KMT2B: variants seen among roughly 807,000 people sequenced by gnomAD.
KMT2B encodes the protein lysine methyltransferase 2B, also known as histone-lysine N-methyltransferase 2B.
In KMT2B, 22 loss-of-function variants were observed where a neutral mutation model predicts 255.3. The ratio of observed to expected loss-of-function variants is 0.09; its 90% CI spans 0.06 to 0.12. The LOEUF (loss-of-function observed/expected upper bound fraction) is 0.12, where lower values mean the gene tolerates loss of function less well. KMT2B is among the 10% of genes least tolerant of loss of function. KMT2B has a pLI of 1.00. For synonymous variants in KMT2B, 1,730 were observed against 1,498.1 expected (o/e 1.15, Z -3.57); for missense variants, 3,149 against 3,737.0 (o/e 0.84, Z 4.10).
chr19:35,737,219 G>T lies in KMT2B; in HGVS notation c.7506G>T (p.Pro2502=). 6.3e-7 allele frequency: 1 copy of T among 1,578,768 alleles called. No homozygotes were observed. Among genetic ancestry groups the T allele is most frequent in the Non-Finnish European group, 8.6e-7 (1 of 1,162,744 alleles). Residue 2502 remains proline (P), a synonymous_variant, in exon 33 of 37, where the codon CCG becomes CCT. Coordinates refer to ENST00000420124, the MANE Select transcript of KMT2B (RefSeq NM_014727.3). The surrounding 1 kb of genome is among the most constrained non-coding windows in gnomAD (Gnocchi z 5.3). The part of the protein sequence containing the change: ...YHQQGEGQEE[P]PLNPHGAARA... The stretch of plus-strand genomic sequence containing the variant: ...AGCAGGGAGAGGGCCAGGAGGAGCC[G>T]CCCCTGAATCCCCATGGGGCTGCTC...
At chr19:35,731,129 C>T (rs193036583) in intron 26 of KMT2B, among the ~76,000 whole-genome samples, 3 of 152,320 alleles carry the variant, frequency 2.0e-5, no homozygotes, top group Admixed American at 1.3e-4. Context: ...GAGTAGAGTG[C>T]TTACAGCTCC....
chr19:35,732,089 C>T lies in KMT2B; in HGVS notation c.5619C>T (p.Ser1873=), dbSNP rs768942555. The T allele has an allele frequency of 8.7e-5, 140 of 1,607,144 alleles. No homozygotes were observed. Among genetic ancestry groups the T allele is most frequent in the Non-Finnish European group, 1.1e-4 (129 of 1,177,062 alleles). The part of the protein sequence containing the change: ...ARIKVPNYSP[S]RRPLGGVSFG... ...TCAAAGTGCCCAACTACTCGCCATCCCGGAGGCCCTTGGGGGGTGTCTCCT... is the reference window on the plus strand; with the variant it reads ...TCAAAGTGCCCAACTACTCGCCATCTCGGAGGCCCTTGGGGGGTGTCTCCT... The change falls in exon 27 of 37, where the codon TCC becomes TCT. Residue 1873 remains serine (S), a synonymous_variant. Transcript: ENST00000420124.
Position 35,722,423 on chromosome 19 carries a change from C to A in KMT2B, c.2522C>A (p.Pro841His), listed in dbSNP as rs868230545. The change falls in exon 4 of 37, where the codon CCT becomes CAT. Residue 841 changes from proline (P) to histidine (H), a missense_variant. Physicochemically the swap from Pro to His is moderately conservative, Grantham distance 77. Around this residue, in one of 18 missense-constraint regions of KMT2B, gnomAD observed 1,188 missense variants for 1,106.4 expected, o/e 1.07. Transcript: ENST00000420124. ...GAVKQISDRG[P>H]VRSEDESVEA... ...GTCAAGCAGATCTCCGACAGAGGCC[C>A]TGTCCGGTCTGAAGATGAGTCGGTG... 1 of 1,610,578 alleles carries A rather than the reference C, an allele frequency of 6.2e-7. No homozygotes were observed. Among genetic ancestry groups the A allele is most frequent in the Non-Finnish European group, 8.5e-7 (1 of 1,179,840 alleles).
rs1969631602 is a variant in KMT2B, at chr19:35,730,066, A to G, written c.5017A>G (p.Ile1673Val). 6.2e-7 allele frequency: 1 copy of G among 1,613,692 alleles called. No individual in the cohort carries two copies. Among genetic ancestry groups the G allele is most frequent in the Non-Finnish European group, 8.5e-7 (1 of 1,179,742 alleles). Residue 1673 changes from isoleucine (I) to valine (V), a missense_variant, in exon 23 of 37, where the codon ATC becomes GTC. Physicochemically the swap from Ile to Val is conservative, Grantham distance 29. Coordinates refer to ENST00000420124, the MANE Select transcript of KMT2B (RefSeq NM_014727.3). Reference sequence around the variant, plus strand: ...CATGTGTGCCCGGGCCAGCTACTGCATCTTCCAGGATGACAAGAAAGTCTT... The same window carrying G: ...CATGTGTGCCCGGGCCAGCTACTGCGTCTTCCAGGATGACAAGAAAGTCTT... ...HFMCARASYC[I>V]FQDDKKVFCQ...
At chr19:35,730,271 C>T (rs1334462639) in intron 23 of KMT2B, 71 bp from the exon 24 acceptor site, 1 of 1,602,690 alleles carries the variant, frequency 6.2e-7, no homozygotes, top group Admixed American at 1.7e-5. Context: ...AAGCCCCTGA[C>T]TGTTCAGACT....
chr19:35,722,928 C>T, intron 5 of KMT2B, 67 bp from the exon 6 acceptor site: 1 of 1,463,400 alleles, frequency 6.8e-7, no homozygotes, highest in East Asian at 2.5e-5. Flanking sequence ...TGTGGGAAAG[C>T]AGGGAAGTGA....
chr19:35,725,807 C>A lies in KMT2B; in HGVS notation c.3874C>A (p.Arg1292=), dbSNP rs758227116. The A allele has an allele frequency of 1.9e-6, 3 of 1,578,918 alleles. No homozygotes were observed. In the South Asian group the frequency reaches 3.4e-5, roughly 18 times the overall value. The change falls in exon 13 of 37, where the codon CGG becomes AGG. Residue 1292 remains arginine, a synonymous_variant. Coordinates refer to ENST00000420124, the MANE Select transcript of KMT2B (RefSeq NM_014727.3). This position sits in a 1 kb window ranked among gnomAD's most constrained non-coding sequence, Gnocchi z 4.1. ...CTATCCAACCCGGGCCACGCGCAAA[C>A]GGCGCCACTGGGTGAGAGATGAGGT... ...PSYPTRATRK[R]RHWICSACVR... is the part of the protein sequence containing the mutation.
chr19:35,719,185 C>T (rs1427266557), intron 1 of KMT2B, among the ~76,000 whole-genome samples: 4 of 152,138 alleles, frequency 2.6e-5, no homozygotes, highest in African/African-American at 9.7e-5. Context: ...TGCTGCCTTT[C>T]CTGAGGAGAC....
Position 35,722,813 on chromosome 19 carries a change from A to G in KMT2B, c.2722+95A>G. The G allele has an allele frequency of 2.7e-6, 4 of 1,482,542 alleles. No individual in the cohort carries two copies. The South Asian group carries it at 5.5e-5, about 20-fold the overall frequency. The allele number at this position is 1,482,542 out of a possible 1,614,324, so 91.8% of individuals were successfully genotyped here. A position where few individuals can be genotyped will look rare whatever the true frequency, so the allele number is the denominator to read the frequency against. Reference sequence around the variant, plus strand: ...AGCCTAGGAGAGAGGGAGCCAAGTCAGGTGCTCAGGGGTTAGGTGGCAAGT... The same window carrying G: ...AGCCTAGGAGAGAGGGAGCCAAGTCGGGTGCTCAGGGGTTAGGTGGCAAGT... On this transcript the variant is annotated intron_variant, in intron 5 of 36. Transcript: ENST00000420124.
chr19:35,718,350 A>C lies in KMT2B; in HGVS notation c.332A>C (p.Glu111Ala). Residue 111 changes from glutamate (E) to alanine (A), a missense_variant, in exon 1 of 37, where the codon GAG becomes GCG. By Grantham distance (107) the Glu-to-Ala change is moderately radical (BLOSUM62 -1). Transcript: ENST00000420124. This position sits in a 1 kb window ranked among gnomAD's most constrained non-coding sequence, Gnocchi z 5.0. ...WGPSRGCVPEEESSDGESDEE... is the reference protein window; with the variant it reads ...WGPSRGCVPEAESSDGESDEE... ...CCGAGTCGAGGCTGCGTGCCGGAGG[A>C]GGAGAGCAGTGACGGGGAATCCGAC... 1 of 1,262,192 alleles carries C rather than the reference A, an allele frequency of 7.9e-7. No individual in the cohort carries two copies. The highest frequency in any genetic ancestry group is 3.8e-5 in the Admixed American group (1 of 26,482). The allele number at this position is 1,262,192 out of a possible 1,614,324, so 78.2% of individuals were successfully genotyped here.
rs769425153 is a variant in KMT2B, at chr19:35,733,716, G to A, written c.7049+30G>A. ...GTGGCCAGGCCCCTCTCCCTGGAGG[G>A]TCTGGGACCTCTGTCCTTCCCCTTC... On this transcript the variant is annotated intron_variant, in intron 29 of 36. Transcript: ENST00000420124. This position sits in a 1 kb window ranked among gnomAD's most constrained non-coding sequence, Gnocchi z 4.3. The A allele has an allele frequency of 1.2e-6, 2 of 1,608,980 alleles. No homozygotes were observed. The highest frequency in any genetic ancestry group is 1.1e-5 in the South Asian group (1 of 90,312).
At chr19:35,724,448 T>TG (rs1969348644) in intron 8 of KMT2B, among the ~76,000 whole-genome samples, 189 bp from the exon 9 acceptor site, 1 of 152,136 alleles carries the variant, frequency 6.6e-6, no homozygotes, top group Admixed American at 6.5e-5. Context: ...CGGTGGGCTA[T>TG]GGGTCACGCC....
At position 35,727,092 on chromosome 19, in the gene KMT2B, C is replaced by T. The variant is rs909625401; in HGVS notation, c.4004-64C>T. On this transcript the variant is annotated intron_variant, in intron 14 of 36. Transcript: ENST00000420124. The surrounding 1 kb of genome is among the most constrained non-coding windows in gnomAD (Gnocchi z 4.2). ...AGCTAAGGTACTGCTAATCCTTGAACAGAGACACTCAGGGCTGAGTGGGAA... is the reference window on the plus strand; with the variant it reads ...AGCTAAGGTACTGCTAATCCTTGAATAGAGACACTCAGGGCTGAGTGGGAA... The T allele has an allele frequency of 8.6e-7, 1 of 1,169,098 alleles. No homozygotes were observed. The highest frequency in any genetic ancestry group is 1.2e-6 in the Non-Finnish European group (1 of 807,306). 72.4% of individuals were successfully genotyped at this position (1,169,098 alleles called of 1,614,324 possible). A position where few individuals can be genotyped will look rare whatever the true frequency, so the allele number is the denominator to read the frequency against.
chr19:35,720,783 G>A lies in KMT2B; in HGVS notation c.1436G>A (p.Arg479Gln), dbSNP rs1416954696. 13 of 1,483,850 alleles carry A rather than the reference G, an allele frequency of 8.8e-6. No individual in the cohort carries two copies. Among genetic ancestry groups the A allele is most frequent in the African/African-American group, 2.8e-5 (2 of 71,000 alleles). The allele number at this position is 1,483,850 out of a possible 1,614,324, so 91.9% of individuals were successfully genotyped here. A position where few individuals can be genotyped will look rare whatever the true frequency, so the allele number is the denominator to read the frequency against. The change falls in exon 3 of 37, where the codon CGG becomes CAG. Residue 479 changes from arginine to glutamine, a missense_variant. Arg to Gln is a conservative substitution (Grantham distance 43, BLOSUM62 1). Transcript: ENST00000420124. ...RGRPPLTPSQ[R>Q]AEREAARAGP... ...CGGCCTCCCCTGACTCCCAGCCAGC[G>A]GGCGGAGCGGGAAGCTGCTCGGGCA...
In KMT2B at chr19:35,727,318, C is replaced by T; in HGVS notation, c.4117+49C>T. On this transcript the variant is annotated intron_variant, in intron 15 of 36. Coordinates refer to ENST00000420124, the MANE Select transcript of KMT2B (RefSeq NM_014727.3). This position sits in a 1 kb window ranked among gnomAD's most constrained non-coding sequence, Gnocchi z 4.2. ...TGCAGCCTCAACCCTGTGGGGACCC[C>T]TGCCCCCACCACAGGCCCCAAGAGG... 2 of 1,571,348 alleles carry T rather than the reference C, an allele frequency of 1.3e-6. No homozygotes were observed.
Position 35,719,498 on chromosome 19 carries a change from T to C in KMT2B, c.393T>C (p.Asp131=), listed in dbSNP as rs1313902947. Residue 131 remains aspartate (D), a synonymous_variant, in exon 2 of 37, where the codon GAT becomes GAC. Coordinates refer to ENST00000420124, the MANE Select transcript of KMT2B (RefSeq NM_014727.3). ...TTCAGGGTTTTCATTCAGATGAAGA[T>C]GTGGCCCCCAGTTCCCTGCGCTCTG... ...EEFQGFHSDE[D]VAPSSLRSAL... is the part of the protein sequence containing the mutation. 4 of 1,591,302 alleles carry C rather than the reference T, an allele frequency of 2.5e-6. No homozygotes were observed. In the African/African-American group the frequency reaches 4.0e-5, roughly 16 times the overall value.
In KMT2B at chr19:35,736,458, T is replaced by C. The variant is rs2146478287; in HGVS notation, c.7160-232T>C. 1.4e-5 allele frequency: 8 copies of C among 557,858 alleles called. No homozygotes were observed. The South Asian group carries it at 1.5e-4, about 11-fold the overall frequency. The allele number at this position is 557,858 out of a possible 1,614,324, so 34.6% of individuals were successfully genotyped here. ...AAGGCCCCAAGCCTCTGTGGAATGC[T>C]TTTGTACCCAAGAAGTCCTGCAGAA... On this transcript the variant is annotated intron_variant, in intron 30 of 36. Transcript: ENST00000420124.
At chr19:35,729,405 C>G in intron 22 of KMT2B, 109 bp downstream of exon 22, 1 of 1,410,974 alleles carries the variant, frequency 7.1e-7, no homozygotes, top group Non-Finnish European at 9.6e-7. Flanking sequence ...CTTTCACTGC[C>G]AGGCTGAGGT....
At chr19:35,731,220 T>G (rs1276499324) in intron 26 of KMT2B, among the ~76,000 whole-genome samples, 1 of 152,160 alleles carries the variant, frequency 6.6e-6, no homozygotes, top group East Asian at 1.9e-4. Flanking sequence ...CTGAACACAG[T>G]AACATGCTAG....
Sources: gnomAD v4.1 joint callset for allele counts (sites outside exome capture counted in the v4.1 genomes callset) on GRCh38, gnomAD v4.1.1 for gene constraint, gnomAD v4.1.1 regional missense constraint, Gnocchi (gnomAD v3.1) non-coding constraint, MANE v1.5 for transcripts, NCBI Gene and HGNC (gene_info 2026-07-23, HGNC 2026-07-21) for gene names.